The following CAPZB variants were observed in gnomAD, a reference collection of about 807,000 sequenced individuals.
CAPZB encodes F-actin-capping protein subunit beta.
A neutral mutation model predicts 38.1 loss-of-function variants in CAPZB; 2 were observed. The ratio of observed to expected loss-of-function variants is 0.05; its 90% CI spans 0.02 to 0.17. CAPZB has a LOEUF of 0.17. Ranked by LOEUF, CAPZB falls within the 10% of genes least tolerant of loss-of-function variation. The pLI, the probability that CAPZB is intolerant of heterozygous loss-of-function variation, is 1.00. For missense variants in CAPZB, 161 were observed against 334.2 expected (o/e 0.48, Z 4.04); for synonymous variants, 107 against 127.4 (o/e 0.84, Z 1.08).
At chr1:19,377,629 G>A (rs952167412) in intron 4 of CAPZB, among the ~76,000 whole-genome samples, 1 of 152,204 alleles carries the variant, frequency 6.6e-6, no homozygotes, top group Non-Finnish European at 1.5e-5. Flanking sequence ...AGCCTAAAAC[G>A]TTTAGGATCT....
At chr1:19,354,257 T>C (rs545670298) in intron 6 of CAPZB, among the ~76,000 whole-genome samples, 2 of 152,348 alleles carry the variant, frequency 1.3e-5, no homozygotes, top group African/African-American at 4.8e-5. Flanking sequence ...TGCATGTTCA[T>C]GCTCACTGAG....
At chr1:19,450,144 C>CAAAAAAAAAAAAA (rs71008167) in intron 1 of CAPZB, among the ~76,000 whole-genome samples, 2 of 35,446 alleles carry the variant, frequency 5.6e-5, no homozygotes, top group African/African-American at 1.6e-4. Context: ...ACCCTGTCTC[C>CAAAAAAAAAAAAA]AAAAAAAAAA....
chr1:19,364,848 T>C (rs974880997), intron 4 of CAPZB, among the ~76,000 whole-genome samples: 3 of 152,088 alleles, frequency 2.0e-5, no homozygotes, highest in Admixed American at 6.6e-5. Flanking sequence ...TTTCTTTTTT[T>C]TTTTCTCTCT....
At chr1:19,347,032 G>A (rs1344112598) in intron 6 of CAPZB, among the ~76,000 whole-genome samples, 1 of 151,172 alleles carries the variant, frequency 6.6e-6, no homozygotes, top group Non-Finnish European at 1.5e-5. Context: ...GTAGAGACAG[G>A]GTTTTGCCAT....
At chr1:19,464,492 CGTT>C (rs762097339) in intron 1 of CAPZB, among the ~76,000 whole-genome samples, 5 of 151,774 alleles carry the variant, frequency 3.3e-5, no homozygotes, top group African/African-American at 1.2e-4. Context: ...GGGGTTTCAC[CGTT>C]GTTAGCCAGG....
intron 1 of CAPZB, among the ~76,000 whole-genome samples, chr1:19,469,089 T>TTGAA (rs570725270): frequency 1.3e-5 from 2 of 152,166 alleles, no homozygotes; most frequent in African/African-American, 2.4e-5. Context: ...CAATGTCTCT[T>TTGAA]TGAATGAATG....
intron 1 of CAPZB, among the ~76,000 whole-genome samples, chr1:19,434,278 CCT>C (rs1481959571): frequency 6.6e-6 from 1 of 152,210 alleles, no homozygotes; most frequent in African/African-American, 2.4e-5. Flanking sequence ...AATTCCTTCA[CCT>C]CTCTGAGCCT....
At chr1:19,380,869 T>A (rs1280551439) in intron 3 of CAPZB, among the ~76,000 whole-genome samples, 4 of 150,846 alleles carry the variant, frequency 2.7e-5, no homozygotes, top group East Asian at 1.9e-4. Context: ...AAAAAAAAAA[T>A]GTTTTTAAGA....
chr1:19,378,252 A>G (rs2094153544), intron 4 of CAPZB, among the ~76,000 whole-genome samples: 1 of 152,196 alleles, frequency 6.6e-6, no homozygotes. Context: ...TGTTATTATG[A>G]ATCACGATGC....
chr1:19,374,082 GT>G (rs2100400852), intron 4 of CAPZB: 1 of 152,390 alleles, frequency 6.6e-6, no homozygotes, highest in South Asian at 2.1e-4. Context: ...TGGGTGCTAC[GT>G]CAGCCGACAA....
At chr1:19,427,798 A>AGCCACGAG (rs1250975833) in intron 1 of CAPZB, among the ~76,000 whole-genome samples, 1 of 152,254 alleles carries the variant, frequency 6.6e-6, no homozygotes, top group East Asian at 1.9e-4. Flanking sequence ...AGGGAATCAC[A>AGCCACGAG]GCCACGACAG....
intron 1 of CAPZB, among the ~76,000 whole-genome samples, chr1:19,434,663 C>T (rs984697829): frequency 6.6e-6 from 1 of 152,096 alleles, no homozygotes; most frequent in Non-Finnish European, 1.5e-5. Context: ...AACGCAGTGG[C>T]TCATGCCTGG....
chr1:19,481,982 T>C lies in CAPZB; in HGVS notation c.3+3454A>G, dbSNP rs570832087. Among the ~76,000 whole-genome samples, 2 of 152,300 alleles carry C rather than the reference T, an allele frequency of 1.3e-5. 1 individual carries two copies. Among genetic ancestry groups the C allele is most frequent in the East Asian group, 3.9e-4 (2 of 5,184 alleles). On this transcript the variant is annotated intron_variant, in intron 1 of 8. Coordinates refer to ENST00000264202, the MANE Select transcript of CAPZB (RefSeq NM_004930.5). ...GCACTTAATACACAAAAAGCTGAAT[T>C]AACATTATCCTGTAGCTGCAGGTAC...
chr1:19,433,892 G>A (rs1192135535), intron 1 of CAPZB, among the ~76,000 whole-genome samples: 2 of 151,958 alleles, frequency 1.3e-5, no homozygotes, highest in African/African-American at 4.8e-5. Flanking sequence ...ACAGCACCAC[G>A]CTCTACACTG....
rs200968507 is a variant in CAPZB, at chr1:19,346,452, TAAAAAAAAAAA to T, written c.589-1211_589-1201del. 6.4e-4 allele frequency among the ~76,000 whole-genome samples: 47 copies of T among 73,280 alleles called. 1 individual carries two copies. The highest frequency in any genetic ancestry group is 1.8e-3 in the South Asian group (4 of 2,236). The allele number at this position is 73,280 out of a possible 152,430, so 48.1% of individuals were successfully genotyped here. A position where few individuals can be genotyped will look rare whatever the true frequency, so the allele number is the denominator to read the frequency against. ...ATAAAATAAAATTTGTGAGAGAAGCTAAAAAAAAAAAAAAAAAAAAAAAAAAGAAAGGGTAG... is the reference window on the plus strand; with the variant it reads ...ATAAAATAAAATTTGTGAGAGAAGCTAAAAAAAAAAAAAAAGAAAGGGTAG... On this transcript the variant is annotated intron_variant, in intron 6 of 8. Coordinates refer to ENST00000264202, the MANE Select transcript of CAPZB (RefSeq NM_004930.5).
chr1:19,460,595 T>TTG (rs2094548156), intron 1 of CAPZB, among the ~76,000 whole-genome samples: 1 of 146,944 alleles, frequency 6.8e-6, no homozygotes, highest in African/African-American at 2.5e-5. Flanking sequence ...TTTTTTTTTT[T>TTG]TTGTATTTTT....
At chr1:19,370,912 C>A (rs1324840311) in intron 4 of CAPZB, among the ~76,000 whole-genome samples, 1 of 152,236 alleles carries the variant, frequency 6.6e-6, no homozygotes, top group Non-Finnish European at 1.5e-5. Flanking sequence ...TCAAACTGTG[C>A]AAGTACTGTG....
At chr1:19,343,063 C>T (rs560544597) in intron 8 of CAPZB, among the ~76,000 whole-genome samples, 6 of 152,168 alleles carry the variant, frequency 3.9e-5, no homozygotes, top group South Asian at 4.2e-4. Flanking sequence ...TTCAGGGGCT[C>T]GCCACCACCA....
intron 1 of CAPZB, among the ~76,000 whole-genome samples, chr1:19,441,961 A>C (rs1430721134): frequency 7.5e-6 from 1 of 133,626 alleles, no homozygotes; most frequent in East Asian, 2.4e-4. Context: ...GTGCGCTGAG[A>C]TTGTGCCACT....
Sources: allele counts gnomAD v4.1 joint callset (sites outside exome capture counted in the v4.1 genomes callset), GRCh38; gene constraint gnomAD v4.1.1; transcripts MANE v1.5; gene names NCBI Gene and HGNC (gene_info 2026-07-23, HGNC 2026-07-21).